The following ZNF254 variants were observed in gnomAD, a reference collection of about 807,000 sequenced individuals.
ZNF254 encodes the protein zinc finger protein 254.
ZNF254 carries 10 observed loss-of-function variants against 12.4 expected under a neutral mutation model. The ratio of observed to expected loss-of-function variants is 0.80; its 90% CI spans 0.50 to 1.36. The LOEUF (loss-of-function observed/expected upper bound fraction) is 1.36, where lower values mean the gene tolerates loss of function less well. Among genes scored for constraint, ZNF254 ranks in the 40% most tolerant of loss-of-function variants. The pLI is 0.00. For synonymous variants in ZNF254, 305 were observed against 253.4 expected, an observed-to-expected ratio of 1.20 and a Z score of -1.93; for missense variants, 996 against 763.9, an observed-to-expected ratio of 1.30 and a Z score of -3.58.
chr19:24,120,669 G>T (rs1246479976), intron 3 of ZNF254, among the ~76,000 whole-genome samples: 1 of 151,662 alleles, frequency 6.6e-6, no homozygotes, highest in African/African-American at 2.4e-5. Context: ...TGTTGTTGTT[G>T]TTGTTGTTGT....
chr19:24,035,017 T>A (rs1568418609), intron 1 of ZNF254, among the ~76,000 whole-genome samples: 1 of 151,992 alleles, frequency 6.6e-6, no homozygotes, highest in Non-Finnish European at 1.5e-5. Context: ...ATTGGAGAAT[T>A]TTAAAGGTTA....
At chr19:24,123,137 C>T (rs1555770743) in intron 3 of ZNF254, among the ~76,000 whole-genome samples, 1 of 152,124 alleles carries the variant, frequency 6.6e-6, no homozygotes, top group Non-Finnish European at 1.5e-5. Flanking sequence ...TGGACCTTTT[C>T]AGAATATTAA....
chr19:24,087,681 T>A (rs760822909), intron 1 of ZNF254, among the ~76,000 whole-genome samples: 2 of 152,072 alleles, frequency 1.3e-5, no homozygotes, highest in Non-Finnish European at 2.9e-5. Flanking sequence ...AGAGCTTTGG[T>A]CTGTGGGGTT....
chr19:24,111,000 G>A (rs1234872733), intron 3 of ZNF254, among the ~76,000 whole-genome samples: 1 of 151,794 alleles, frequency 6.6e-6, no homozygotes, highest in African/African-American at 2.4e-5. Flanking sequence ...TGTGCACAAT[G>A]TGCAGGTTAG....
intron 1 of ZNF254, among the ~76,000 whole-genome samples, chr19:24,035,394 C>G (rs1300802983): frequency 6.6e-6 from 1 of 152,152 alleles, no homozygotes; most frequent in Non-Finnish European, 1.5e-5. Context: ...AACTCCTGAC[C>G]TCAGGTGATC....
rs896260910 is a variant in ZNF254, at chr19:24,128,138, G to A, written c.*158G>A. On this transcript the variant is annotated 3_prime_UTR_variant, in exon 4 of 4. Coordinates refer to ENST00000357002, the MANE Select transcript of ZNF254 (RefSeq NM_203282.4). ...TGCTGAAAAATCCTAGAAATGTGAAGAATGTGAAAAAGCCTTTAAATGATT... is the reference window on the plus strand; with the variant it reads ...TGCTGAAAAATCCTAGAAATGTGAAAAATGTGAAAAAGCCTTTAAATGATT... The A allele has an allele frequency of 2.7e-6, 2 of 742,154 alleles. No individual in the cohort carries two copies. 46.0% of individuals were successfully genotyped at this position (742,154 alleles called of 1,614,324 possible). A position where few individuals can be genotyped will look rare whatever the true frequency, so the allele number is the denominator to read the frequency against.
intron 3 of ZNF254, among the ~76,000 whole-genome samples, chr19:24,124,793 A>G (rs1360570451): frequency 4.2e-5 from 6 of 142,358 alleles, no homozygotes; most frequent in Non-Finnish European, 6.3e-5. Context: ...TTTGGAAACA[A>G]GAGTCTCACT....
chr19:24,086,825 T>C (rs1353316443), upstream of ZNF254, among the ~76,000 whole-genome samples: 1 of 152,240 alleles, frequency 6.6e-6, no homozygotes, highest in Non-Finnish European at 1.5e-5. Flanking sequence ...GTGCTGATAA[T>C]ACATTATTAC....
At chr19:24,087,488 C>A in intron 1 of ZNF254, 151 bp downstream of exon 1, 1 of 1,000,766 alleles carries the variant, frequency 1.0e-6, no homozygotes. Flanking sequence ...AAGATGGCGG[C>A]TGCGCTGACA....
Position 24,087,241 on chromosome 19 carries a change from C to T in ZNF254, c.-67C>T, listed in dbSNP as rs1345604830. ...CAGGTCTGTCTTCACTGCTCTGTGT[C>T]CTCTGCTCCTAGAGGCCCAGCCTCT... On this transcript the variant is annotated 5_prime_UTR_variant, in exon 1 of 4. Transcript: ENST00000357002. The T allele has an allele frequency of 1.2e-6, 2 of 1,606,086 alleles. No homozygotes were observed.
Position 24,047,638 on chromosome 19 carries a change from T to A in ZNF254, c.-94+1359T>A, listed in dbSNP as rs952193737. The stretch of plus-strand genomic sequence containing the variant: ...TTTGCTCTCTCTCTTGCTTGCTTGC[T>A]TCTTTCCTTCATTTCTTTCTTTATT... On this transcript the variant is annotated intron_variant, in intron 2 of 4. Transcript: ENST00000613065. Among the ~76,000 whole-genome samples the A allele has an allele frequency of 3.4e-5, 5 of 148,010 alleles. No individual in the cohort carries two copies. The Admixed American group carries it at 3.4e-4, about 10-fold the overall frequency.
intron 3 of ZNF254, among the ~76,000 whole-genome samples, chr19:24,122,059 G>A (rs1314683265): frequency 1.3e-5 from 2 of 151,824 alleles, no homozygotes; most frequent in East Asian, 1.9e-4. Flanking sequence ...TCTCTTTTGG[G>A]TATTATTATT....
At chr19:24,091,502 G>GT (rs1972381527) in intron 1 of ZNF254, among the ~76,000 whole-genome samples, 1 of 151,794 alleles carries the variant, frequency 6.6e-6, no homozygotes, top group Non-Finnish European at 1.5e-5. Context: ...GTGTTTGATT[G>GT]TTTTTTGAGA....
intron 2 of ZNF254, among the ~76,000 whole-genome samples, chr19:24,061,668 G>T (rs1971072317): frequency 6.6e-6 from 1 of 152,160 alleles, no homozygotes; most frequent in South Asian, 2.1e-4. Flanking sequence ...TGGGTGGTTT[G>T]TGCCAACAAG....
intron 3 of ZNF254, among the ~76,000 whole-genome samples, chr19:24,124,610 G>T (rs1257667786): frequency 1.3e-5 from 2 of 151,756 alleles, no homozygotes; most frequent in Non-Finnish European, 2.9e-5. Flanking sequence ...GGACAGATTT[G>T]CTGATGGTAT....
intron 3 of ZNF254, among the ~76,000 whole-genome samples, chr19:24,115,384 A>G (rs2145895064): frequency 6.6e-6 from 1 of 152,246 alleles, no homozygotes; most frequent in African/African-American, 2.4e-5. Context: ...AGGGACATGG[A>G]TGAAATTGGA....
chr19:24,077,050 C>A (rs1971684595), intron 2 of ZNF254, among the ~76,000 whole-genome samples: 2 of 152,182 alleles, frequency 1.3e-5, no homozygotes, highest in Non-Finnish European at 2.9e-5. Flanking sequence ...AAATGCAGAT[C>A]TGTTTGTTTC....
chr19:24,045,314 C>T (rs1327782730), intron 1 of ZNF254, among the ~76,000 whole-genome samples: 2 of 152,034 alleles, frequency 1.3e-5, no homozygotes, highest in Non-Finnish European at 2.9e-5. Context: ...AACTTTTTGC[C>T]TGTTCTGCTT....
chr19:24,072,821 A>G (rs1228005390), intron 2 of ZNF254, among the ~76,000 whole-genome samples: 1 of 152,216 alleles, frequency 6.6e-6, no homozygotes, highest in Non-Finnish European at 1.5e-5. Flanking sequence ...ACCAGGTGAT[A>G]TGACTCTCTG....
Sources: gnomAD v4.1 joint callset for allele counts (sites outside exome capture counted in the v4.1 genomes callset) on GRCh38, gnomAD v4.1.1 for gene constraint, MANE v1.5 for transcripts, NCBI Gene and HGNC (gene_info 2026-07-23, HGNC 2026-07-21) for gene names.